Variants in ACSS1 observed in about 807,000 individuals in gnomAD.
The protein encoded by ACSS1 is acyl-CoA synthetase short chain family member 1, also known as acetyl-coenzyme A synthetase 2-like, mitochondrial.
A neutral mutation model predicts 75.3 loss-of-function variants in ACSS1; 42 were observed. The ratio of observed to expected loss-of-function variants is 0.56; its 90% CI spans 0.44 to 0.72. The LOEUF (loss-of-function observed/expected upper bound fraction) is 0.72, where lower values mean the gene tolerates loss of function less well. Among genes scored for constraint, ACSS1 ranks in the 30% least tolerant of loss-of-function variants. The probability of loss-of-function intolerance (pLI) is 0.00; values close to 1 mark genes in which losing one functional copy is unlikely to be tolerated. For missense variants in ACSS1, 782 were observed against 935.7 expected, an observed-to-expected ratio of 0.84 and a Z score of 2.14; for synonymous variants, 380 against 376.8, an observed-to-expected ratio of 1.01 and a Z score of -0.10.
intron 5 of ACSS1, 23 bp from the exon 6 acceptor site, chr20:25,021,559 T>C: frequency 6.8e-6 from 11 of 1,609,796 alleles, no homozygotes; most frequent in Non-Finnish European, 9.3e-6. Context: ...GAAAGGAGCA[T>C]CAGGAGCTTG....
Position 25,023,506 on chromosome 20 carries a change from T to G in ACSS1, c.767A>C (p.Asn256Thr), listed in dbSNP as rs746454294. 6.2e-7 allele frequency: 1 copy of G among 1,614,136 alleles called. No individual in the cohort carries two copies. The highest frequency in any genetic ancestry group is 1.3e-5 in the African/African-American group (1 of 75,016). The change falls in exon 4 of 14, where the codon AAC becomes ACC. Residue 256 changes from asparagine to threonine, a missense_variant. Asn to Thr is a moderately conservative substitution (Grantham distance 65, BLOSUM62 0). Around this residue, in one of 2 missense-constraint regions of ACSS1, gnomAD observed 377 missense variants for 383.1 expected, o/e 0.98. Coordinates refer to ENST00000323482, the MANE Select transcript of ACSS1 (RefSeq NM_032501.4). ...QHVLVAHRTD[N>T]KVHMGDLDVP... ...GTCCAGATCCCCCATGTGGACCTTGTTGTCTGTCCTGTGAGCCACCAGGAC... is the reference window on the plus strand; with the variant it reads ...GTCCAGATCCCCCATGTGGACCTTGGTGTCTGTCCTGTGAGCCACCAGGAC...
At chr20:25,053,743 A>G (rs1217722478) in intron 1 of ACSS1, among the ~76,000 whole-genome samples, 1 of 152,200 alleles carries the variant, frequency 6.6e-6, no homozygotes. Flanking sequence ...TGTTCCTGCA[A>G]TTAATCTCCA....
At chr20:25,031,143 G>A in intron 2 of ACSS1, 185 bp from the exon 3 acceptor site, 1 of 709,282 alleles carries the variant, frequency 1.4e-6, no homozygotes, top group Non-Finnish European at 2.5e-6. Flanking sequence ...TTTAACATTT[G>A]TAGATTGCTA....
chr20:25,036,082 T>C (rs2088903796), intron 2 of ACSS1, among the ~76,000 whole-genome samples: 2 of 152,176 alleles, frequency 1.3e-5, no homozygotes, highest in Non-Finnish European at 2.9e-5. Context: ...GCTTTCTGAG[T>C]CACTAAAATG....
In ACSS1 at chr20:25,023,015, T is replaced by C. The variant is rs2088650881; in HGVS notation, c.885A>G (p.Ser295=). The change falls in exon 5 of 14, where the codon TCA becomes TCG. Residue 295 remains serine (S), a synonymous_variant. Coordinates refer to ENST00000323482, the MANE Select transcript of ACSS1 (RefSeq NM_032501.4). The part of the protein sequence containing the change: ...SEDMLFMLYT[S]GSTGMPKGIV... ...TGCCCTTGGGCATTCCGGTGCTCCCTGAGGTGTACAGCATGAAGAGCATGT... is the reference window on the plus strand; with the variant it reads ...TGCCCTTGGGCATTCCGGTGCTCCCCGAGGTGTACAGCATGAAGAGCATGT... 2 of 1,614,000 alleles carry C rather than the reference T, an allele frequency of 1.2e-6. No homozygotes were observed. The highest frequency in any genetic ancestry group is 1.7e-6 in the Non-Finnish European group (2 of 1,180,024).
intron 2 of ACSS1, among the ~76,000 whole-genome samples, chr20:25,043,759 G>A (rs914868861): frequency 6.6e-6 from 1 of 152,202 alleles, no homozygotes; most frequent in Non-Finnish European, 1.5e-5. Flanking sequence ...CACAGACTCG[G>A]GGCCCAGCTC....
At chr20:25,022,006 T>C (rs1435223227) in intron 5 of ACSS1, among the ~76,000 whole-genome samples, 1 of 152,134 alleles carries the variant, frequency 6.6e-6, no homozygotes, top group Non-Finnish European at 1.5e-5. Flanking sequence ...GATGTGACTA[T>C]GGCCAAGTGT....
intron 3 of ACSS1, among the ~76,000 whole-genome samples, chr20:25,027,779 CAAA>C (rs78414153): frequency 9.3e-5 from 7 of 75,334 alleles, no homozygotes; most frequent in South Asian, 5.5e-4. Context: ...AGTGATCAGG[CAAA>C]AAAAAAAAAA....
intron 2 of ACSS1, chr20:25,032,328 A>G: frequency 1.5e-6 from 2 of 1,308,582 alleles, no homozygotes; most frequent in Non-Finnish European, 2.0e-6. Flanking sequence ...ACCATACTCA[A>G]CTCCGGGAAA....
chr20:25,008,191 A>G (rs1276532303), intron 13 of ACSS1, among the ~76,000 whole-genome samples: 4 of 152,154 alleles, frequency 2.6e-5, no homozygotes, highest in Admixed American at 6.5e-5. Flanking sequence ...GGCCGGGTTC[A>G]CCCCGTACTG....
chr20:25,037,999 A>G (rs1482911905), intron 2 of ACSS1, among the ~76,000 whole-genome samples: 4 of 152,254 alleles, frequency 2.6e-5, no homozygotes, highest in Non-Finnish European at 5.9e-5. Context: ...CATGACCATG[A>G]CATTTAGCAA....
At chr20:25,009,021 C>G (rs1741848620) in intron 13 of ACSS1, among the ~76,000 whole-genome samples, 1 of 152,134 alleles carries the variant, frequency 6.6e-6, no homozygotes. Context: ...ACCTCCTGGA[C>G]AGATGAGCCC....
In ACSS1 at chr20:25,031,069, G is replaced by C. The variant is rs906744980; in HGVS notation, c.432-111C>G. Reference sequence around the variant, plus strand: ...TTATGTCATATACATCCAGCCCAGTGCCAGGAAAACAGGCACTTGAATACT... The same window carrying C: ...TTATGTCATATACATCCAGCCCAGTCCCAGGAAAACAGGCACTTGAATACT... On this transcript the variant is annotated intron_variant, in intron 2 of 13. Transcript: ENST00000323482. 20 of 1,122,464 alleles carry C rather than the reference G, an allele frequency of 1.8e-5. No homozygotes were observed. In the African/African-American group the frequency reaches 3.1e-4, roughly 17 times the overall value. The allele number at this position is 1,122,464 out of a possible 1,614,324, so 69.5% of individuals were successfully genotyped here.
At chr20:25,015,299 G>A in intron 7 of ACSS1, 69 bp from the exon 8 acceptor site, 1 of 1,314,480 alleles carries the variant, frequency 7.6e-7, no homozygotes, top group Non-Finnish European at 1.1e-6. Flanking sequence ...GGGAAGTTTT[G>A]TTTTTTGTTT....
chr20:25,039,343 A>G (rs1332616136), intron 2 of ACSS1, among the ~76,000 whole-genome samples: 1 of 152,218 alleles, frequency 6.6e-6, no homozygotes, highest in Non-Finnish European at 1.5e-5. Context: ...AAGGCTCCCA[A>G]ACTTCAAAAG....
chr20:25,039,361 A>C (rs1022022153), intron 2 of ACSS1, among the ~76,000 whole-genome samples: 8 of 152,332 alleles, frequency 5.3e-5, no homozygotes, highest in Middle Eastern at 3.4e-3. Context: ...AAGATTTGCC[A>C]TCTGCCAATG....
At position 25,058,028 on chromosome 20, in the gene ACSS1, C is replaced by G; in HGVS notation, c.75G>C (p.Ala25=). 2.9e-6 allele frequency: 4 copies of G among 1,381,940 alleles called. No homozygotes were observed. The Admixed American group carries it at 1.1e-4, about 38-fold the overall frequency. 85.6% of individuals were successfully genotyped at this position (1,381,940 alleles called of 1,614,324 possible). The part of the protein sequence containing the change: ...GSLRGLSGQP[A]RPPCGVSAPR... ...GCGCGCTCACCCCGCACGGCGGCCG[C>G]GCGGGCTGCCCCGAGAGCCCTCGCA... Residue 25 remains alanine, a synonymous_variant, in exon 1 of 14, where the codon GCG becomes GCC. Coordinates refer to ENST00000323482, the MANE Select transcript of ACSS1 (RefSeq NM_032501.4).
intron 6 of ACSS1, 137 bp downstream of exon 6, chr20:25,021,252 G>A (rs374805405): frequency 2.1e-5 from 25 of 1,197,982 alleles, no homozygotes; most frequent in Middle Eastern, 5.8e-4. Flanking sequence ...CGGGCATTTC[G>A]ACAGCAGGAC....
chr20:25,051,196 C>G (rs1266128437), intron 1 of ACSS1, among the ~76,000 whole-genome samples: 1 of 152,218 alleles, frequency 6.6e-6, no homozygotes, highest in Non-Finnish European at 1.5e-5. Context: ...ACCTCACTGT[C>G]CCAGACCCTG....
Sources: allele counts gnomAD v4.1 joint callset (sites outside exome capture counted in the v4.1 genomes callset), GRCh38; gene constraint gnomAD v4.1.1; regional missense constraint gnomAD v4.1.1; transcripts MANE v1.5; gene names NCBI Gene and HGNC (gene_info 2026-07-23, HGNC 2026-07-21).